Variants in GUCA1B observed in about 807,000 individuals in gnomAD.
The protein encoded by GUCA1B is guanylyl cyclase-activating protein 2.
A neutral mutation model predicts 24.2 loss-of-function variants in GUCA1B; 22 were observed. The ratio of observed to expected loss-of-function variants is 0.91; its 90% CI spans 0.65 to 1.30. GUCA1B has a LOEUF of 1.30. Among genes scored for constraint, GUCA1B ranks in the 50% most tolerant of loss-of-function variants. The probability of loss-of-function intolerance (pLI) is 0.00; values close to 1 mark genes in which losing one functional copy is unlikely to be tolerated. For synonymous variants in GUCA1B, 100 were observed against 97.9 expected (o/e 1.02, Z -0.13); for missense variants, 221 against 258.8 (o/e 0.85, Z 1.00).
In GUCA1B at chr6:42,187,018, G is replaced by C. The variant is rs74946105; in HGVS notation, c.358-1221C>G. 6.2e-4 allele frequency among the ~76,000 whole-genome samples: 95 copies of C among 152,270 alleles called. 1 individual carries two copies. The highest frequency in any genetic ancestry group is 6.8e-3 in the Middle Eastern group (2 of 294). ...TAGTCTTTTAAAAGAAATAACTTCT[G>C]ATCTTCTTGACTTTTTCTCATGCAT... is the stretch of plus-strand genomic sequence containing the variant. On this transcript the variant is annotated intron_variant, in intron 2 of 3. Transcript: ENST00000230361.
chr6:42,187,419 T>C (rs73434272), intron 2 of GUCA1B, among the ~76,000 whole-genome samples: 74 of 66,042 alleles, frequency 1.1e-3, no homozygotes, highest in African/African-American at 4.4e-3. Context: ...TTTATTTTAC[T>C]TTTTTTTTTT....
intron 1 of GUCA1B, among the ~76,000 whole-genome samples, chr6:42,192,915 G>A (rs1248333096): frequency 3.9e-5 from 6 of 151,926 alleles, no homozygotes; most frequent in Non-Finnish European, 8.8e-5. Flanking sequence ...GAAATACTTA[G>A]GGATAAACGG....
At position 42,184,535 on chromosome 6, in the gene GUCA1B, C is replaced by T. The variant is rs1768160656; in HGVS notation, c.*280G>A. Reference sequence around the variant, plus strand: ...TGAGAACACCCAGAAACTGTGGGAGCCCCACAACCACCCAGCCAAGGCACA... The same window carrying T: ...TGAGAACACCCAGAAACTGTGGGAGTCCCACAACCACCCAGCCAAGGCACA... On this transcript the variant is annotated 3_prime_UTR_variant, in exon 4 of 4. Coordinates refer to ENST00000230361, the MANE Select transcript of GUCA1B (RefSeq NM_002098.6). The T allele has an allele frequency of 4.3e-6, 2 of 460,694 alleles. No individual in the cohort carries two copies. Among genetic ancestry groups the T allele is most frequent in the Non-Finnish European group, 8.1e-6 (2 of 246,766 alleles). The allele number at this position is 460,694 out of a possible 1,614,324, so 28.5% of individuals were successfully genotyped here.
At chr6:42,185,415 A>G (rs1483305032) in intron 3 of GUCA1B, among the ~76,000 whole-genome samples, 1 of 152,182 alleles carries the variant, frequency 6.6e-6, no homozygotes, top group East Asian at 1.9e-4. Flanking sequence ...GAAGCTCAAT[A>G]TATCACTCCC....
In GUCA1B at chr6:42,183,402, C is replaced by T. The variant is rs964215480; in HGVS notation, c.*1413G>A. On this transcript the variant is annotated 3_prime_UTR_variant, in exon 4 of 4. Coordinates refer to ENST00000230361, the MANE Select transcript of GUCA1B (RefSeq NM_002098.6). ...ACTGTCTTATAGGAGTAACAGTGAC[C>T]CAGGGCACTGGTTTTCAGTTTGCTT... Among the ~76,000 whole-genome samples, 14 of 152,024 alleles carry T rather than the reference C, an allele frequency of 9.2e-5. No homozygotes were observed. The highest frequency in any genetic ancestry group is 5.2e-4 in the Admixed American group (8 of 15,268).
chr6:42,192,520 T>C (rs906425086), intron 1 of GUCA1B, among the ~76,000 whole-genome samples: 2 of 152,042 alleles, frequency 1.3e-5, no homozygotes, highest in African/African-American at 2.4e-5. Flanking sequence ...GACACCAGTC[T>C]GGTCAACATG....
At chr6:42,185,517 G>A (rs1484906321) in intron 3 of GUCA1B, among the ~76,000 whole-genome samples, 163 bp downstream of exon 3, 5 of 152,124 alleles carry the variant, frequency 3.3e-5, no homozygotes, top group African/African-American at 9.7e-5. Flanking sequence ...CTACAAACAC[G>A]TGCTCATGAG....
chr6:42,188,314 G>GTA (rs1488656768), intron 2 of GUCA1B, among the ~76,000 whole-genome samples: 1 of 140,474 alleles, frequency 7.1e-6, no homozygotes, highest in Admixed American at 6.8e-5. Context: ...GTGTGTGTGT[G>GTA]TGTGTGTGTG....
intron 3 of GUCA1B, among the ~76,000 whole-genome samples, chr6:42,185,220 G>T: frequency 6.6e-6 from 1 of 152,204 alleles, no homozygotes; most frequent in East Asian, 1.9e-4. Context: ...GCTCAAGTGT[G>T]TATTCCAAGC....
At chr6:42,185,616 G>A (rs544487820) in intron 3 of GUCA1B, 64 bp downstream of exon 3, 14 of 994,684 alleles carry the variant, frequency 1.4e-5, no homozygotes, top group African/African-American at 9.4e-5. Flanking sequence ...GCCCAAGGAC[G>A]TGCGGCCAGA....
Position 42,185,724 on chromosome 6 carries a change from T to G in GUCA1B, c.431A>C (p.Glu144Ala). Residue 144 changes from glutamate (E) to alanine (A), a missense_variant, in exon 3 of 4, where the codon GAG (glutamate) becomes GCG (alanine). By Grantham distance (107) the Glu-to-Ala change is moderately radical. Transcript: ENST00000230361. ...CAGGAGGAAGATCCTGTCCACGACC[T>G]CCTCGGGTGTGAGCAGCTGGCCTTG... ...TEQGQLLTPE[E>A]VVDRIFLLVD... 6.2e-7 allele frequency: 1 copy of G among 1,612,890 alleles called. No homozygotes were observed. Among genetic ancestry groups the G allele is most frequent in the Non-Finnish European group, 8.5e-7 (1 of 1,178,954 alleles).
chr6:42,187,326 G>A (rs971510540), intron 2 of GUCA1B, among the ~76,000 whole-genome samples: 1 of 151,746 alleles, frequency 6.6e-6, no homozygotes, highest in African/African-American at 2.4e-5. Flanking sequence ...GAATGGTCTC[G>A]ATCTCCTGAC....
intron 1 of GUCA1B, among the ~76,000 whole-genome samples, 155 bp from the exon 2 acceptor site, chr6:42,188,886 T>TTCTATCTATCTATCTA (rs11270970): frequency 5.2e-5 from 6 of 116,430 alleles, no homozygotes; most frequent in African/African-American, 2.9e-4. Flanking sequence ...GTAGAGAACA[T>TTCTATCTATCTATCTA]TCTATCTATC....
Position 42,185,810 on chromosome 6 carries a change from ACTC to A in GUCA1B, c.358-16_358-14del, listed in dbSNP as rs1000317478. 3 of 1,530,550 alleles carry A rather than the reference ACTC, an allele frequency of 2.0e-6. No individual in the cohort carries two copies. Among genetic ancestry groups the A allele is most frequent in the African/African-American group, 2.7e-5 (2 of 73,308 alleles). The allele number at this position is 1,530,550 out of a possible 1,614,324, so 94.8% of individuals were successfully genotyped here. A position where few individuals can be genotyped will look rare whatever the true frequency, so the allele number is the denominator to read the frequency against. ...GCTGGTAAATTCCCTGCCAAAGAAA[ACTC>A]AGCTGCATTGACGGGAGACCCTGAA... is the stretch of plus-strand genomic sequence containing the variant. On this transcript the variant is annotated splice_polypyrimidine_tract_variant and intron_variant, in intron 2 of 3. Coordinates refer to ENST00000230361, the MANE Select transcript of GUCA1B (RefSeq NM_002098.6).
chr6:42,188,555 T>G, intron 2 of GUCA1B, 27 bp downstream of exon 2: 1 of 1,612,254 alleles, frequency 6.2e-7, no homozygotes, highest in African/African-American at 1.3e-5. Flanking sequence ...GTGCCCAGGC[T>G]GCTGGCCCAT....
intron 1 of GUCA1B, among the ~76,000 whole-genome samples, chr6:42,191,893 C>T (rs541730986): frequency 1.1e-3 from 161 of 152,090 alleles, no homozygotes; most frequent in Non-Finnish European, 1.9e-3. Flanking sequence ...TTTAGACAAA[C>T]GCCAGTTGTG....
At chr6:42,185,830 G>T in intron 2 of GUCA1B, 33 bp from the exon 3 acceptor site, 1 of 1,320,260 alleles carries the variant, frequency 7.6e-7, no homozygotes. Context: ...ATTGACGGGA[G>T]ACCCTGAAAG....
In GUCA1B at chr6:42,194,822, C is replaced by A. The variant is rs1262679015; in HGVS notation, c.-2G>T. 8 of 1,558,438 alleles carry A rather than the reference C, an allele frequency of 5.1e-6. No individual in the cohort carries two copies. The East Asian group carries it at 1.9e-4, about 38-fold the overall frequency. The stretch of plus-strand genomic sequence containing the variant: ...CTCCCAGCTAAACTCCTGCCCCATG[C>A]TAGCCCTGAGGAGCATCAGGGAGCA... On this transcript the variant is annotated 5_prime_UTR_variant, in exon 1 of 4. Transcript: ENST00000230361.
At chr6:42,189,766 T>C (rs1224654067) in intron 1 of GUCA1B, among the ~76,000 whole-genome samples, 6 of 152,240 alleles carry the variant, frequency 3.9e-5, no homozygotes, top group Admixed American at 3.9e-4. Context: ...GCAGCAATAA[T>C]GATTTCTAAA....
Sources: gnomAD v4.1 joint callset for allele counts (sites outside exome capture counted in the v4.1 genomes callset) on GRCh38, gnomAD v4.1.1 for gene constraint, MANE v1.5 for transcripts, NCBI Gene and HGNC (gene_info 2026-07-23, HGNC 2026-07-21) for gene names.